The following DMXL1 variants were observed in gnomAD, a reference collection of about 807,000 sequenced individuals.
The protein encoded by DMXL1 is Dmx like 1.
DMXL1 carries 99 observed loss-of-function variants against 319.2 expected under a neutral mutation model. The ratio of observed to expected loss-of-function variants is 0.31; its 90% CI spans 0.26 to 0.37. The LOEUF is 0.37. Ranked by LOEUF, DMXL1 falls within the 10% of genes least tolerant of loss-of-function variation. DMXL1 has a pLI of 1.00. For synonymous variants in DMXL1, 1,385 were observed against 1,235.2 expected (o/e 1.12, Z -2.54); for missense variants, 3,745 against 3,595.6 (o/e 1.04, Z -1.06).
At chr5:119,073,095 C>T (rs1425983904) in intron 1 of DMXL1, among the ~76,000 whole-genome samples, 1 of 152,158 alleles carries the variant, frequency 6.6e-6, no homozygotes, top group Non-Finnish European at 1.5e-5. Context: ...TGAGGTCTCC[C>T]TCTGTCACCT....
chr5:119,198,062 C>T (rs1156472892), intron 32 of DMXL1, 106 bp downstream of exon 32: 1 of 1,046,798 alleles, frequency 9.6e-7, no homozygotes, highest in East Asian at 2.4e-5. Context: ...AATCTCAGCT[C>T]ACTGCAGCCT....
At chr5:119,080,912 A>G (rs577712959) in intron 1 of DMXL1, among the ~76,000 whole-genome samples, 17 of 152,308 alleles carry the variant, frequency 1.1e-4, no homozygotes, top group South Asian at 4.1e-4. Context: ...AAACTTTTCA[A>G]TTACCCCTCC....
chr5:119,122,653 C>G (rs892902025), intron 9 of DMXL1, among the ~76,000 whole-genome samples: 1 of 148,184 alleles, frequency 6.7e-6, no homozygotes, highest in East Asian at 2.0e-4. Flanking sequence ...GACGCCCTTC[C>G]CCTCCCAGAC....
intron 9 of DMXL1, among the ~76,000 whole-genome samples, chr5:119,125,322 C>G (rs1441272106): frequency 1.3e-5 from 2 of 152,066 alleles, no homozygotes; most frequent in East Asian, 3.9e-4. Context: ...ACAGTTTTGC[C>G]TAGGAATGAT....
At chr5:119,200,685 A>G (rs575769012) in intron 32 of DMXL1, among the ~76,000 whole-genome samples, 2 of 152,242 alleles carry the variant, frequency 1.3e-5, no homozygotes, top group Admixed American at 1.3e-4. Context: ...AATGATATTG[A>G]TTCTTCTTCT....
chr5:119,125,757 G>C (rs578045422), intron 9 of DMXL1, among the ~76,000 whole-genome samples: 1 of 151,796 alleles, frequency 6.6e-6, no homozygotes, highest in African/African-American at 2.4e-5. Context: ...ATAAAGGCGG[G>C]GTTTCACCAT....
In DMXL1 at chr5:119,212,479, G is replaced by C. The variant is rs115515809; in HGVS notation, c.7927-4422G>C. ...GTTAGTGGACATTTGAGTTGTGTCT[G>C]TCTTGGTTATTGTGAATAATGGTGC... On this transcript the variant is annotated intron_variant, in intron 34 of 43. Transcript: ENST00000539542. Among the ~76,000 whole-genome samples, 637 of 152,242 alleles carry C rather than the reference G, an allele frequency of 4.2e-3. 3 individuals are homozygous for C. Among genetic ancestry groups the C allele is most frequent in the African/African-American group, 0.015 (605 of 41,526 alleles).
Position 119,244,481 on chromosome 5 carries a change from C to G in DMXL1, c.8827C>G (p.Gln2943Glu). ...VFDLCQRQQRQLFQSHDSPVK... is the reference protein window; with the variant it reads ...VFDLCQRQQRELFQSHDSPVK... The stretch of plus-strand genomic sequence containing the variant: ...TGACCTTTGTCAACGACAACAGAGG[C>G]AGCTTTTCCAGAGCCATGATTCTCC... The change falls in exon 43 of 44, where the codon CAG (glutamine) becomes GAG (glutamate). Residue 2943 changes from glutamine (Q) to glutamate (E), a missense_variant. Around this residue, in one of 4 missense-constraint regions of DMXL1, gnomAD observed 262 missense variants for 320.5 expected, o/e 0.82. Coordinates refer to ENST00000539542, the MANE Select transcript of DMXL1 (RefSeq NM_001290321.3). The G allele has an allele frequency of 6.2e-7, 1 of 1,614,190 alleles. No homozygotes were observed. The highest frequency in any genetic ancestry group is 1.1e-5 in the South Asian group (1 of 91,090).
At chr5:119,185,875 A>G (rs1292840164) in intron 28 of DMXL1, among the ~76,000 whole-genome samples, 1 of 151,942 alleles carries the variant, frequency 6.6e-6, no homozygotes, top group African/African-American at 2.4e-5. Flanking sequence ...TGCTTCTTTA[A>G]TCCTTTTATT....
intron 5 of DMXL1, among the ~76,000 whole-genome samples, chr5:119,111,966 A>T (rs895139393): frequency 6.1e-5 from 9 of 147,970 alleles, no homozygotes; most frequent in African/African-American, 2.0e-4. Context: ...TATTATCTTT[A>T]TTTTTTTTTT....
intron 1 of DMXL1, among the ~76,000 whole-genome samples, chr5:119,079,973 A>C (rs564125038): frequency 6.6e-6 from 1 of 152,188 alleles, no homozygotes; most frequent in South Asian, 2.1e-4. Flanking sequence ...CCTGGTGTAT[A>C]GTCTGTGATG....
chr5:119,137,634 A>T (rs751919220), intron 13 of DMXL1, among the ~76,000 whole-genome samples: 1 of 152,196 alleles, frequency 6.6e-6, no homozygotes, highest in Non-Finnish European at 1.5e-5. Context: ...TATAGTGAGC[A>T]AGTTCTCACA....
At chr5:119,142,517 TAA>T (rs148846123) in intron 13 of DMXL1, among the ~76,000 whole-genome samples, 67 of 62,250 alleles carry the variant, frequency 1.1e-3, no homozygotes, top group African/African-American at 1.8e-3. Context: ...TATTAAAAAG[TAA>T]AAAAAAAAAA....
chr5:119,112,368 A>G (rs1759827164), intron 5 of DMXL1, among the ~76,000 whole-genome samples: 2 of 152,162 alleles, frequency 1.3e-5, no homozygotes. Context: ...TTCAACAAAT[A>G]TTTGTTGAAT....
At chr5:119,096,734 G>A (rs1424295532) in intron 1 of DMXL1, among the ~76,000 whole-genome samples, 1 of 152,148 alleles carries the variant, frequency 6.6e-6, no homozygotes, top group African/African-American at 2.4e-5. Context: ...GCTAACTGTT[G>A]TAAAATTGAA....
In DMXL1 at chr5:119,171,037, A is replaced by G. The variant is rs1487899531; in HGVS notation, c.6246A>G (p.Glu2082=). 2.5e-6 allele frequency: 4 copies of G among 1,613,948 alleles called. No individual in the cohort carries two copies. In the South Asian group the frequency reaches 3.3e-5, roughly 13 times the overall value. The part of the protein sequence containing the change: ...RTCDFCSDAE[E]LQSAFGRNED... ...GTGACTTTTGCTCAGATGCTGAAGAACTACAGTCTGCATTTGGCAGAAATG... is the reference window on the plus strand; with the variant it reads ...GTGACTTTTGCTCAGATGCTGAAGAGCTACAGTCTGCATTTGGCAGAAATG... The change falls in exon 24 of 44, where the codon GAA becomes GAG. Residue 2082 remains glutamate, a synonymous_variant. Coordinates refer to ENST00000539542, the MANE Select transcript of DMXL1 (RefSeq NM_001290321.3).
rs530699086 is a variant in DMXL1 at position 119,089,007 on chromosome 5, G to T, written c.88-8972G>T. Among the ~76,000 whole-genome samples the T allele has an allele frequency of 2.5e-3, 377 of 151,322 alleles. 2 individuals are homozygous for T. The highest frequency in any genetic ancestry group is 8.4e-3 in the African/African-American group (347 of 41,322). On this transcript the variant is annotated intron_variant, in intron 1 of 43. Transcript: ENST00000539542. ...ACAATTTTTTTTTTGCATATTAGTG[G>T]TTTTTTTAATTTCATGTTGAAGAAC...
intron 5 of DMXL1, 31 bp from the exon 6 acceptor site, chr5:119,114,444 G>T: frequency 6.8e-7 from 1 of 1,477,570 alleles, no homozygotes; most frequent in African/African-American, 1.4e-5. Flanking sequence ...AGTTTTCATT[G>T]CAAATTATTC....
intron 1 of DMXL1, among the ~76,000 whole-genome samples, chr5:119,084,749 C>T (rs182216722): frequency 6.6e-5 from 10 of 151,644 alleles, no homozygotes; most frequent in African/African-American, 2.2e-4. Context: ...CCTGTAATTC[C>T]GGCTACTCGG....
Sources: allele counts gnomAD v4.1 joint callset (sites outside exome capture counted in the v4.1 genomes callset), GRCh38; gene constraint gnomAD v4.1.1; regional missense constraint gnomAD v4.1.1; transcripts MANE v1.5; gene names NCBI Gene and HGNC (gene_info 2026-07-23, HGNC 2026-07-21).